The following GRID2 variants were observed in gnomAD, a reference collection of about 807,000 sequenced individuals.
The protein encoded by GRID2 is glutamate receptor ionotropic, delta-2.
In GRID2, 33 loss-of-function variants were observed where a neutral mutation model predicts 114.8. That is an observed-to-expected ratio of 0.29 (90% CI 0.22 to 0.38). GRID2 has a LOEUF of 0.38. Ranked by LOEUF, GRID2 falls within the 10% of genes least tolerant of loss-of-function variation. GRID2 has a pLI of 1.00. For missense variants in GRID2, 1,184 were observed against 1,257.7 expected, an observed-to-expected ratio of 0.94 and a Z score of 0.89; for synonymous variants, 505 against 449.9, an observed-to-expected ratio of 1.12 and a Z score of -1.55.
At chr4:93,423,718 T>A (rs1211319557) in intron 10 of GRID2, among the ~76,000 whole-genome samples, 1 of 152,158 alleles carries the variant, frequency 6.6e-6, no homozygotes, top group Non-Finnish European at 1.5e-5. Flanking sequence ...GAAAGGTGTT[T>A]AAAACCTCTA....
At chr4:92,490,066 CTTAT>C (rs1315925734) in intron 1 of GRID2, among the ~76,000 whole-genome samples, 2 of 151,966 alleles carry the variant, frequency 1.3e-5, no homozygotes, top group Non-Finnish European at 2.9e-5. Flanking sequence ...AATAAAATAA[CTTAT>C]TTAACTGTAG....
intron 4 of GRID2, among the ~76,000 whole-genome samples, chr4:93,131,077 T>A (rs554269656): frequency 2.0e-5 from 3 of 151,230 alleles, no homozygotes; most frequent in Non-Finnish European, 4.4e-5. Flanking sequence ...TGACCAACCC[T>A]CTCCCTAGAC....
At chr4:93,084,624 G>A (rs962723961) in intron 2 of GRID2, among the ~76,000 whole-genome samples, 2 of 152,032 alleles carry the variant, frequency 1.3e-5, no homozygotes, top group African/African-American at 4.8e-5. Flanking sequence ...ATTATAAATT[G>A]ATAATTACAA....
rs1736397113 is a variant in GRID2, at chr4:92,732,876, T to C, written c.244+142590T>C. Among the ~76,000 whole-genome samples the C allele has an allele frequency of 1.3e-5, 2 of 152,148 alleles. 1 individual carries two copies. Among genetic ancestry groups the C allele is most frequent in the Admixed American group, 1.3e-4 (2 of 15,238 alleles). ...TTTTGTGTGCTTTTGCATTTGTCGT[T>C]GTACATTTTTCTCCCAATTTTGTGG... On this transcript the variant is annotated intron_variant, in intron 2 of 15. Transcript: ENST00000282020.
rs933616701 is a variant in GRID2 at position 93,203,589 on chromosome 4, G to C, written c.736-3815G>C. ...AATCACAGAATTAAAAGTTACTCTA[G>C]TGAGTATGTTTATTAAAATTTATTA... is the stretch of plus-strand genomic sequence containing the variant. On this transcript the variant is annotated intron_variant, in intron 4 of 15. Transcript: ENST00000282020. 6.6e-5 allele frequency among the ~76,000 whole-genome samples: 10 copies of C among 152,200 alleles called. No individual in the cohort carries two copies. The East Asian group carries it at 1.9e-3, about 29-fold the overall frequency.
chr4:92,635,989 T>C (rs1031040470), intron 2 of GRID2, among the ~76,000 whole-genome samples: 1 of 152,196 alleles, frequency 6.6e-6, no homozygotes, highest in Middle Eastern at 3.4e-3. Flanking sequence ...TGGAGAATTA[T>C]GTTAAAAATT....
At chr4:92,787,260 C>A (rs1271867318) in intron 2 of GRID2, among the ~76,000 whole-genome samples, 2 of 151,726 alleles carry the variant, frequency 1.3e-5, no homozygotes, top group Non-Finnish European at 2.9e-5. Flanking sequence ...AATCAGATGA[C>A]CCAAAACAAA....
At chr4:93,666,954 G>A (rs17293047) in intron 14 of GRID2, among the ~76,000 whole-genome samples, 14,041 of 151,932 alleles carry the variant, frequency 0.092, 850 homozygotes, top group Non-Finnish European at 0.13. Context: ...GGTTGGTATC[G>A]GGTGCTCTAA....
At chr4:92,489,020 A>T (rs1026251122) in intron 1 of GRID2, among the ~76,000 whole-genome samples, 1 of 152,170 alleles carries the variant, frequency 6.6e-6, no homozygotes, top group Admixed American at 6.6e-5. Flanking sequence ...TATTGCTGTG[A>T]TGATTATATT....
chr4:93,636,346 T>C (rs1235708951), intron 14 of GRID2, among the ~76,000 whole-genome samples: 1 of 152,108 alleles, frequency 6.6e-6, no homozygotes, highest in African/African-American at 2.4e-5. Context: ...ACTGATATAA[T>C]CTAGGTGTTA....
chr4:92,557,645 T>TTA (rs138046427), intron 1 of GRID2, among the ~76,000 whole-genome samples: 30,392 of 142,536 alleles, frequency 0.21, 3,739 homozygotes, highest in African/African-American at 0.36. Context: ...ATATATATGG[T>TTA]TATATATATA....
intron 13 of GRID2, among the ~76,000 whole-genome samples, chr4:93,562,229 T>G (rs1181206385): frequency 6.6e-6 from 1 of 151,918 alleles, no homozygotes; most frequent in Non-Finnish European, 1.5e-5. Context: ...TCTAATAGTG[T>G]GTAGTGATAG....
chr4:93,788,338 G>T (rs76746114), intron 1 of GRID2, among the ~76,000 whole-genome samples: 3,804 of 151,722 alleles, frequency 0.025, 156 homozygotes, highest in African/African-American at 0.087. Context: ...AAAAGAAAAC[G>T]TAAAGCCTAG....
intron 10 of GRID2, among the ~76,000 whole-genome samples, chr4:93,438,148 C>A (rs896252233): frequency 1.3e-5 from 2 of 152,020 alleles, no homozygotes; most frequent in Admixed American, 1.3e-4. Flanking sequence ...CTGTGCCTGG[C>A]ATCATAGATA....
chr4:92,903,785 G>T (rs769874113), intron 2 of GRID2, among the ~76,000 whole-genome samples: 9 of 151,828 alleles, frequency 5.9e-5, no homozygotes, highest in African/African-American at 4.8e-5. Flanking sequence ...ACAAGTAGTT[G>T]CCAGGCAAGA....
intron 1 of GRID2, among the ~76,000 whole-genome samples, chr4:92,576,296 G>A (rs1228612731): frequency 6.6e-6 from 1 of 152,162 alleles, no homozygotes; most frequent in Non-Finnish European, 1.5e-5. Flanking sequence ...GGACCATTTG[G>A]ACTCTCCAAA....
intron 3 of GRID2, among the ~76,000 whole-genome samples, chr4:93,087,487 G>A (rs1350267211): frequency 2.0e-5 from 3 of 152,048 alleles, no homozygotes; most frequent in Admixed American, 6.6e-5. Context: ...TATTACGGGT[G>A]AGATAACTAT....
chr4:92,840,760 T>C (rs1375292614), intron 2 of GRID2, among the ~76,000 whole-genome samples: 2 of 152,088 alleles, frequency 1.3e-5, no homozygotes, highest in Admixed American at 6.6e-5. Context: ...CCCTCACCAG[T>C]AGTATCTTTC....
chr4:93,359,277 T>A (rs1266799148), intron 8 of GRID2, among the ~76,000 whole-genome samples: 1 of 152,026 alleles, frequency 6.6e-6, no homozygotes, highest in African/African-American at 2.4e-5. Flanking sequence ...TCATTTTTTT[T>A]TTCATTTGAA....
Sources: gnomAD v4.1 joint callset for allele counts (sites outside exome capture counted in the v4.1 genomes callset) on GRCh38, gnomAD v4.1.1 for gene constraint, MANE v1.5 for transcripts, NCBI Gene and HGNC (gene_info 2026-07-23, HGNC 2026-07-21) for gene names.